PRKG1: variants seen among roughly 807,000 people sequenced by gnomAD.
PRKG1 encodes the protein protein kinase cGMP-dependent 1.
Under a neutral mutation model 88.1 loss-of-function variants are expected in PRKG1, and 35 were observed. The observed-to-expected ratio is 0.40, with a 90% CI of 0.30 to 0.53. The LOEUF (loss-of-function observed/expected upper bound fraction) is 0.53, where lower values mean the gene tolerates loss of function less well. Among genes scored for constraint, PRKG1 ranks in the 20% least tolerant of loss-of-function variants. PRKG1 has a pLI of 0.59. For synonymous variants in PRKG1, 303 were observed against 292.5 expected, an observed-to-expected ratio of 1.04 and a Z score of -0.37; for missense variants, 540 against 839.8, an observed-to-expected ratio of 0.64 and a Z score of 4.41.
At chr10:51,245,456 G>C (rs78815047) in intron 2 of PRKG1, 8 of 152,048 alleles carry the variant, frequency 5.3e-5, no homozygotes, top group African/African-American at 1.9e-4. Flanking sequence ...GTAGTTAAAA[G>C]TAATTTAGAG....
chr10:52,282,076 G>C (rs1419415334), intron 13 of PRKG1, 77 bp from the exon 14 acceptor site: 1 of 1,312,286 alleles, frequency 7.6e-7, no homozygotes, highest in Non-Finnish European at 1.0e-6. Context: ...ATCATCATCA[G>C]TGTGCTTCAA....
chr10:51,605,420 C>A (rs1838738727), intron 3 of PRKG1, among the ~76,000 whole-genome samples: 1 of 152,172 alleles, frequency 6.6e-6, no homozygotes, highest in Admixed American at 6.5e-5. Context: ...CTGTTACACA[C>A]CTTACATTGC....
intron 3 of PRKG1, among the ~76,000 whole-genome samples, chr10:51,731,150 A>G (rs963834084): frequency 6.6e-6 from 1 of 152,110 alleles, no homozygotes; most frequent in African/African-American, 2.4e-5. Context: ...TCTCAAAGAA[A>G]AACAACAAAC....
chr10:52,172,824 G>A (rs1230759646), intron 9 of PRKG1, among the ~76,000 whole-genome samples: 3 of 147,616 alleles, frequency 2.0e-5, no homozygotes, highest in East Asian at 3.9e-4. Context: ...TACATAGTGA[G>A]TAGTAGTAGT....
chr10:51,002,874 T>C (rs917294407), intron 1 of PRKG1, among the ~76,000 whole-genome samples: 1 of 152,210 alleles, frequency 6.6e-6, no homozygotes, highest in Non-Finnish European at 1.5e-5. Flanking sequence ...GTCTTTTTGC[T>C]CAGATACTGT....
chr10:51,699,948 C>A (rs531291119), intron 3 of PRKG1, among the ~76,000 whole-genome samples: 1 of 152,252 alleles, frequency 6.6e-6, no homozygotes, highest in African/African-American at 2.4e-5. Context: ...GCTTCCGTTC[C>A]GCTGGCGGGA....
At chr10:51,294,580 A>G (rs1276634414) in intron 2 of PRKG1, among the ~76,000 whole-genome samples, 7 of 152,148 alleles carry the variant, frequency 4.6e-5, no homozygotes, top group African/African-American at 1.4e-4. Flanking sequence ...CATTACTTTT[A>G]ATGTTAATTA....
At chr10:52,093,659 T>A (rs1266692051) in intron 7 of PRKG1, among the ~76,000 whole-genome samples, 1 of 152,104 alleles carries the variant, frequency 6.6e-6, no homozygotes, top group Non-Finnish European at 1.5e-5. Context: ...TTGCAAAAAA[T>A]TTTCTTCTTT....
chr10:51,400,077 C>G (rs1169587035), intron 2 of PRKG1, among the ~76,000 whole-genome samples: 1 of 152,114 alleles, frequency 6.6e-6, no homozygotes, highest in Non-Finnish European at 1.5e-5. Flanking sequence ...TTGTTTCTAT[C>G]TAAGAACCAG....
intron 2 of PRKG1, among the ~76,000 whole-genome samples, chr10:51,315,027 T>G (rs1315993207): frequency 6.6e-6 from 1 of 152,178 alleles, no homozygotes; most frequent in Non-Finnish European, 1.5e-5. Flanking sequence ...TCAAACTACA[T>G]TACAGTAGAG....
chr10:51,262,124 G>A (rs10996394), intron 2 of PRKG1, among the ~76,000 whole-genome samples: 1 of 151,684 alleles, frequency 6.6e-6, no homozygotes, highest in Non-Finnish European at 1.5e-5. Context: ...CTGACCTCGT[G>A]ATCCGCCCGC....
intron 9 of PRKG1, among the ~76,000 whole-genome samples, chr10:52,195,049 T>C (rs1839467609): frequency 6.6e-6 from 1 of 152,186 alleles, no homozygotes; most frequent in African/African-American, 2.4e-5. Context: ...GATATTTTAC[T>C]GAAATGAATG....
chr10:52,083,429 A>G (rs1194054472), intron 7 of PRKG1, among the ~76,000 whole-genome samples: 1 of 152,152 alleles, frequency 6.6e-6, no homozygotes, highest in Admixed American at 6.6e-5. Flanking sequence ...ACAAATGTAC[A>G]AAACAAAACA....
intron 1 of PRKG1, among the ~76,000 whole-genome samples, chr10:51,081,794 T>C (rs6479912): frequency 0.89 from 135,162 of 152,256 alleles, 60,164 homozygotes; most frequent in African/African-American, 0.96. Flanking sequence ...TTCTGTCTTA[T>C]TGCCCAGGCT....
At chr10:51,697,680 A>T in intron 3 of PRKG1, 2 of 1,612,056 alleles carry the variant, frequency 1.2e-6, no homozygotes, top group Non-Finnish European at 1.7e-6. Context: ...GACTACAGCC[A>T]AATATTTTCT....
At chr10:51,633,905 C>T (rs1324773621) in intron 3 of PRKG1, among the ~76,000 whole-genome samples, 1 of 152,100 alleles carries the variant, frequency 6.6e-6, no homozygotes. Context: ...CTAACAAGAA[C>T]AGATGGAACA....
At chr10:51,353,425 T>C (rs1842295868) in intron 2 of PRKG1, among the ~76,000 whole-genome samples, 2 of 152,050 alleles carry the variant, frequency 1.3e-5, no homozygotes, top group African/African-American at 2.4e-5. Context: ...AACGAGAATA[T>C]AGAATGAGCT....
intron 3 of PRKG1, among the ~76,000 whole-genome samples, chr10:51,553,433 T>C (rs555629837): frequency 3.3e-5 from 5 of 151,778 alleles, no homozygotes; most frequent in East Asian, 1.9e-4. Flanking sequence ...TGGAAAAGAA[T>C]TGATTACATA....
chr10:51,154,214 C>T (rs1231560482), intron 2 of PRKG1, among the ~76,000 whole-genome samples: 1 of 151,930 alleles, frequency 6.6e-6, no homozygotes, highest in African/African-American at 2.4e-5. Context: ...TTTCACCTAA[C>T]CAATTTGTAA....
Sources: allele counts gnomAD v4.1 joint callset (sites outside exome capture counted in the v4.1 genomes callset), GRCh38; gene constraint gnomAD v4.1.1; transcripts MANE v1.5; gene names NCBI Gene and HGNC (gene_info 2026-07-23, HGNC 2026-07-21).